ORAI2: variants seen among roughly 807,000 people sequenced by gnomAD.
ORAI2 encodes ORAI calcium release-activated calcium modulator 2, also known as protein orai-2.
In ORAI2, 10 loss-of-function variants were observed where a neutral mutation model predicts 16.2. The observed-to-expected ratio is 0.62, with a 90% CI of 0.38 to 1.04. The LOEUF is 1.04. Ranked by LOEUF, ORAI2 falls within the 50% of genes least tolerant of loss-of-function variation. The pLI, the probability that ORAI2 is intolerant of heterozygous loss-of-function variation, is 0.01. For missense variants in ORAI2, 238 were observed against 355.5 expected, an observed-to-expected ratio of 0.67 and a Z score of 2.66; for synonymous variants, 150 against 157.5, an observed-to-expected ratio of 0.95 and a Z score of 0.35.
At chr7:102,445,376 G>A (rs774215202) in intron 3 of ORAI2, among the ~76,000 whole-genome samples, 29 of 150,408 alleles carry the variant, frequency 1.9e-4, no homozygotes, top group Middle Eastern at 6.9e-3. Context: ...CGATCCTCCT[G>A]CCTCTGCCTC....
chr7:102,445,525 C>T (rs1396089301), intron 3 of ORAI2, among the ~76,000 whole-genome samples: 1 of 152,096 alleles, frequency 6.6e-6, no homozygotes, highest in African/African-American at 2.4e-5. Context: ...TCATAGCTCA[C>T]TGCAGCCTGT....
chr7:102,436,859 C>A (rs1056254939), intron 2 of ORAI2, among the ~76,000 whole-genome samples: 2 of 152,106 alleles, frequency 1.3e-5, no homozygotes, highest in South Asian at 4.1e-4. Context: ...TACAGGAGCC[C>A]GCCACCACAC....
At position 102,447,651 on chromosome 7, in the gene ORAI2, G is replaced by GT. The variant is rs1042979289; in HGVS notation, c.*600dup. ...CAGGACACACGTCAGCCCAGCAGGT[G>GT]TGGGGGGTGCTGCAGCCCTCGGCAG... On this transcript the variant is annotated 3_prime_UTR_variant, in exon 4 of 4. Transcript: ENST00000495936. The GT allele has an allele frequency of 1.2e-4, 18 of 152,236 alleles. No homozygotes were observed. Among genetic ancestry groups the GT allele is most frequent in the African/African-American group, 4.3e-4 (18 of 41,410 alleles). 9.4% of individuals were successfully genotyped at this position (152,236 alleles called of 1,614,324 possible).
rs1797577145 is a variant in ORAI2, at chr7:102,453,481, C to T, written c.*6429C>T. On this transcript the variant is annotated 3_prime_UTR_variant, in exon 4 of 4. Transcript: ENST00000495936. ...AATCAGGTGTGCCAAGCAACTGGCA[C>T]CACTCCATGGAAAGCGTCTAGGGCA... 1 of 152,238 alleles carries T rather than the reference C, an allele frequency of 6.6e-6. No individual in the cohort carries two copies. The highest frequency in any genetic ancestry group is 2.4e-5 in the African/African-American group (1 of 41,452). The allele number at this position is 152,238 out of a possible 1,614,324, so 9.4% of individuals were successfully genotyped here. A position where few individuals can be genotyped will look rare whatever the true frequency, so the allele number is the denominator to read the frequency against.
rs894171726 is a variant in ORAI2, at chr7:102,446,982, G to A, written c.695G>A (p.Arg232His). 20 of 1,598,968 alleles carry A rather than the reference G, an allele frequency of 1.3e-5. No homozygotes were observed. Among genetic ancestry groups the A allele is most frequent in the Middle Eastern group, 1.7e-4 (1 of 6,054 alleles). The change falls in exon 4 of 4, where the codon CGC becomes CAC. Residue 232 changes from arginine to histidine, a missense_variant. Arg to His is a conservative substitution (Grantham distance 29). This residue lies in a region of ORAI2 where 176 missense variants were observed against 265.9 expected (regional missense o/e 0.66). Coordinates refer to ENST00000495936, the MANE Select transcript of ORAI2 (RefSeq NM_001126340.3). ...LVRHKTERHN[R>H]EIEELHKLKV... Reference sequence around the variant, plus strand: ...CGCCACAAAACGGAGCGCCACAACCGCGAGATCGAGGAGCTCCACAAGCTC... The same window carrying A: ...CGCCACAAAACGGAGCGCCACAACCACGAGATCGAGGAGCTCCACAAGCTC...
At chr7:102,440,824 A>G (rs549059852) in intron 3 of ORAI2, among the ~76,000 whole-genome samples, 2 of 152,170 alleles carry the variant, frequency 1.3e-5, no homozygotes, top group South Asian at 2.1e-4. Context: ...CGGCCTCCCA[A>G]AGTGCTAGCA....
intron 3 of ORAI2, among the ~76,000 whole-genome samples, chr7:102,442,579 C>T (rs1213419397): frequency 2.0e-5 from 3 of 151,562 alleles, no homozygotes; most frequent in Non-Finnish European, 2.9e-5. Flanking sequence ...CCCAGCTACT[C>T]GGGAGGCTGA....
At chr7:102,434,836 G>C (rs1228719564) in intron 1 of ORAI2, 3 of 152,210 alleles carry the variant, frequency 2.0e-5, no homozygotes, top group South Asian at 2.1e-4. Flanking sequence ...CCACCCCCCA[G>C]GTGGCAGCCA....
chr7:102,442,187 G>A (rs886268448), intron 3 of ORAI2, among the ~76,000 whole-genome samples: 6 of 151,524 alleles, frequency 4.0e-5, no homozygotes, highest in Non-Finnish European at 4.4e-5. Flanking sequence ...AGGCTGAGGT[G>A]GGCGGATCAC....
chr7:102,451,227 C>G lies in ORAI2; in HGVS notation c.*4175C>G, dbSNP rs1248011674. The G allele has an allele frequency of 6.7e-6, 1 of 149,990 alleles. No homozygotes were observed. The highest frequency in any genetic ancestry group is 2.4e-5 in the African/African-American group (1 of 40,896). The allele number at this position is 149,990 out of a possible 1,614,324, so 9.3% of individuals were successfully genotyped here. On this transcript the variant is annotated 3_prime_UTR_variant, in exon 4 of 4. Coordinates refer to ENST00000495936, the MANE Select transcript of ORAI2 (RefSeq NM_001126340.3). ...AAAAAAAAAAAAAAAGAACAGGGGC[C>G]TCTGCCTCAGTTTGCCCGGGAGCCA...
At position 102,446,803 on chromosome 7, in the gene ORAI2, G is replaced by A. The variant is rs1164055139; in HGVS notation, c.516G>A (p.Lys172=). Residue 172 remains lysine, a synonymous_variant, in exon 4 of 4, where the codon AAG becomes AAA. Transcript: ENST00000495936. ...LAEVVLLCWI[K]FLPVDARRQP... is the part of the protein sequence containing the mutation. ...AGGTGGTGCTGCTCTGCTGGATCAA[G>A]TTCCTCCCCGTGGATGCCCGGCGCC... is the stretch of plus-strand genomic sequence containing the variant. The A allele has an allele frequency of 6.2e-7, 1 of 1,614,000 alleles. No homozygotes were observed. The highest frequency in any genetic ancestry group is 1.3e-5 in the African/African-American group (1 of 74,950).
Position 102,447,077 on chromosome 7 carries a change from C to A in ORAI2, c.*25C>A. The A allele has an allele frequency of 6.7e-7, 1 of 1,500,330 alleles. No individual in the cohort carries two copies. The allele number at this position is 1,500,330 out of a possible 1,614,324, so 92.9% of individuals were successfully genotyped here. A position where few individuals can be genotyped will look rare whatever the true frequency, so the allele number is the denominator to read the frequency against. ...AGGGGCCGAGGGCCGGGGCTGGGAGCGGCCCTGTGCCCGGGAGTCCGCAGA... is the reference window on the plus strand; with the variant it reads ...AGGGGCCGAGGGCCGGGGCTGGGAGAGGCCCTGTGCCCGGGAGTCCGCAGA... On this transcript the variant is annotated 3_prime_UTR_variant, in exon 4 of 4. Coordinates refer to ENST00000495936, the MANE Select transcript of ORAI2 (RefSeq NM_001126340.3).
chr7:102,435,311 C>T (rs1431307922), intron 1 of ORAI2, among the ~76,000 whole-genome samples: 1 of 152,158 alleles, frequency 6.6e-6, no homozygotes, highest in East Asian at 1.9e-4. Context: ...ACTCTGTTGC[C>T]TAGGCTGGTC....
Position 102,446,241 on chromosome 7 carries a change from G to A in ORAI2, c.226-272G>A, listed in dbSNP as rs373410641. On this transcript the variant is annotated intron_variant, in intron 3 of 3. Coordinates refer to ENST00000495936, the MANE Select transcript of ORAI2 (RefSeq NM_001126340.3). ...TGGGATTATAGGCGTGAGCGACCAC[G>A]CTGGCCTCTTCTGTACTGTTGAGAT... Among the ~76,000 whole-genome samples the A allele has an allele frequency of 2.4e-4, 36 of 152,382 alleles. 3 individuals carry two copies. The South Asian group carries it at 6.8e-3, about 29-fold the overall frequency.
chr7:102,443,137 T>C (rs1205901072), intron 3 of ORAI2, among the ~76,000 whole-genome samples: 11 of 140,734 alleles, frequency 7.8e-5, no homozygotes, highest in African/African-American at 2.0e-4. Context: ...TCTTCTTTTT[T>C]TTTTTTTTAA....
chr7:102,449,428 G>A lies in ORAI2; in HGVS notation c.*2376G>A, dbSNP rs73189871. On this transcript the variant is annotated 3_prime_UTR_variant, in exon 4 of 4. Transcript: ENST00000495936. Reference sequence around the variant, plus strand: ...AAATTATTTTAAATTAGCCAGGCCGGGTGCAATGGCTCGCGCCCGTAATCT... The same window carrying A: ...AAATTATTTTAAATTAGCCAGGCCGAGTGCAATGGCTCGCGCCCGTAATCT... 0.13 allele frequency: 20,174 copies of A among 152,150 alleles called. 1,732 individuals carry two copies. Among genetic ancestry groups the A allele is most frequent in the South Asian group, 0.26 (1,261 of 4,820 alleles). 9.4% of individuals were successfully genotyped at this position (152,150 alleles called of 1,614,324 possible). A position where few individuals can be genotyped will look rare whatever the true frequency, so the allele number is the denominator to read the frequency against.
rs1266226718 is a variant in ORAI2, at chr7:102,455,605, A to G, written c.*8553A>G. On this transcript the variant is annotated 3_prime_UTR_variant, in exon 4 of 4. Transcript: ENST00000495936. The stretch of plus-strand genomic sequence containing the variant: ...AGCCTGTCAGGGGCAGAGACCCTGC[A>G]CTGGCCCCCTCGAGAGTGGACCCCT... 6.6e-6 allele frequency: 1 copy of G among 152,312 alleles called. No individual in the cohort carries two copies. Among genetic ancestry groups the G allele is most frequent in the East Asian group, 1.9e-4 (1 of 5,194 alleles). 9.4% of individuals were successfully genotyped at this position (152,312 alleles called of 1,614,324 possible).
At chr7:102,436,380 G>A in intron 2 of ORAI2, 47 bp downstream of exon 2, 1 of 982,302 alleles carries the variant, frequency 1.0e-6, no homozygotes, top group African/African-American at 1.7e-5. Flanking sequence ...GTTCCCAGAG[G>A]TCTTGTTGGC....
At chr7:102,442,344 G>A (rs946883772) in intron 3 of ORAI2, among the ~76,000 whole-genome samples, 1 of 152,182 alleles carries the variant, frequency 6.6e-6, no homozygotes, top group African/African-American at 2.4e-5. Context: ...CTTGAGGTCA[G>A]GAGTTGGAGA....
Sources: gnomAD v4.1 joint callset for allele counts (sites outside exome capture counted in the v4.1 genomes callset) on GRCh38, gnomAD v4.1.1 for gene constraint, gnomAD v4.1.1 regional missense constraint, MANE v1.5 for transcripts, NCBI Gene and HGNC (gene_info 2026-07-23, HGNC 2026-07-21) for gene names.